Variants in NCAM2 observed in about 807,000 individuals in gnomAD.
NCAM2 encodes the protein neural cell adhesion molecule 2.
NCAM2 carries 30 observed loss-of-function variants against 98.1 expected under a neutral mutation model. The ratio of observed to expected loss-of-function variants is 0.31; its 90% CI spans 0.23 to 0.41. NCAM2 has a LOEUF of 0.41. Ranked by LOEUF, NCAM2 falls within the 10% of genes least tolerant of loss-of-function variation. The probability of loss-of-function intolerance (pLI) is 1.00; values close to 1 mark genes in which losing one functional copy is unlikely to be tolerated. For missense variants in NCAM2, 867 were observed against 1,005.8 expected, an observed-to-expected ratio of 0.86 and a Z score of 1.87; for synonymous variants, 368 against 342.4, an observed-to-expected ratio of 1.07 and a Z score of -0.83.
At chr21:21,231,670 T>C (rs1248549026) in intron 1 of NCAM2, among the ~76,000 whole-genome samples, 4 of 151,340 alleles carry the variant, frequency 2.6e-5, no homozygotes, top group Non-Finnish European at 5.9e-5. Flanking sequence ...GAGTAAATAT[T>C]ATACAGAATA....
At chr21:21,050,430 A>AG (rs1410842557) in intron 1 of NCAM2, among the ~76,000 whole-genome samples, 1 of 152,202 alleles carries the variant, frequency 6.6e-6, no homozygotes, top group Non-Finnish European at 1.5e-5. Context: ...TTTTGGTCAA[A>AG]GTAAAGAAGG....
At chr21:21,218,712 A>G (rs972745701) in intron 1 of NCAM2, among the ~76,000 whole-genome samples, 3 of 152,178 alleles carry the variant, frequency 2.0e-5, no homozygotes, top group African/African-American at 7.2e-5. Context: ...CTCTCCTAGA[A>G]CCTTCAGAAA....
At chr21:21,393,850 C>T (rs991373515) in intron 9 of NCAM2, among the ~76,000 whole-genome samples, 57 of 152,104 alleles carry the variant, frequency 3.7e-4, no homozygotes, top group Admixed American at 1.4e-3. Context: ...GGAAGTACAG[C>T]TACAATATTT....
intron 1 of NCAM2, among the ~76,000 whole-genome samples, chr21:21,093,435 C>G (rs189594858): frequency 2.6e-4 from 40 of 152,158 alleles, no homozygotes; most frequent in Non-Finnish European, 1.9e-4. Flanking sequence ...TCCATTCATC[C>G]GTTGTCCAAA....
chr21:21,412,201 C>T (rs1468047466), intron 10 of NCAM2, among the ~76,000 whole-genome samples: 4 of 152,118 alleles, frequency 2.6e-5, no homozygotes, highest in Non-Finnish European at 5.9e-5. Context: ...TGTACTTGGC[C>T]GCCTTCTTGC....
intron 9 of NCAM2, among the ~76,000 whole-genome samples, chr21:21,393,904 G>A (rs1457873181): frequency 6.6e-6 from 1 of 152,052 alleles, no homozygotes; most frequent in Non-Finnish European, 1.5e-5. Context: ...AAGATATTCT[G>A]ATTAGAAAAA....
intron 1 of NCAM2, among the ~76,000 whole-genome samples, chr21:21,265,174 T>A (rs1473438059): frequency 3.2e-5 from 4 of 125,896 alleles, no homozygotes; most frequent in Non-Finnish European, 6.5e-5. Context: ...ATATATTATA[T>A]ATGTATATAT....
intron 16 of NCAM2, among the ~76,000 whole-genome samples, chr21:21,512,502 A>T (rs1410346669): frequency 6.6e-6 from 1 of 152,000 alleles, no homozygotes; most frequent in Non-Finnish European, 1.5e-5. Flanking sequence ...TTTGTAGTAT[A>T]ATTTGAAGTT....
intron 5 of NCAM2, among the ~76,000 whole-genome samples, chr21:21,311,531 C>T (rs1297956197): frequency 6.6e-6 from 1 of 151,822 alleles, no homozygotes; most frequent in Non-Finnish European, 1.5e-5. Context: ...TTAGTGGAGA[C>T]GGGGTTTCAC....
intron 1 of NCAM2, among the ~76,000 whole-genome samples, chr21:21,216,225 C>A (rs187576011): frequency 6.6e-6 from 1 of 152,046 alleles, no homozygotes; most frequent in Non-Finnish European, 1.5e-5. Context: ...TTAGCTGGCA[C>A]GAGGAGTCTC....
At chr21:21,201,486 T>A (rs1373903732) in intron 1 of NCAM2, among the ~76,000 whole-genome samples, 1 of 152,166 alleles carries the variant, frequency 6.6e-6, no homozygotes, top group Non-Finnish European at 1.5e-5. Flanking sequence ...ACTATGAAAT[T>A]CTGACAAACT....
At chr21:21,394,547 G>A (rs2076458876) in intron 9 of NCAM2, among the ~76,000 whole-genome samples, 1 of 126,048 alleles carries the variant, frequency 7.9e-6, no homozygotes. Context: ...GGACTGCAGT[G>A]GTGCAATCTT....
intron 5 of NCAM2, among the ~76,000 whole-genome samples, chr21:21,309,861 A>T (rs2073992223): frequency 6.6e-6 from 1 of 152,166 alleles, no homozygotes; most frequent in South Asian, 2.1e-4. Flanking sequence ...TATTTTAGGA[A>T]TTTCTATTGA....
At position 21,543,184 on chromosome 21, in the gene NCAM2, G is replaced by GTA. The variant is rs766334847; in HGVS notation, c.*5235_*5236dup. The GTA allele has an allele frequency of 2.6e-5, 4 of 151,810 alleles. No homozygotes were observed. The highest frequency in any genetic ancestry group is 2.1e-4 in the South Asian group (1 of 4,818). The allele number at this position is 151,810 out of a possible 1,614,324, so 9.4% of individuals were successfully genotyped here. On this transcript the variant is annotated 3_prime_UTR_variant, in exon 18 of 18. Coordinates refer to ENST00000400546, the MANE Select transcript of NCAM2 (RefSeq NM_004540.5). ...ATATGGTATGTCCCAATGAAATGCT[G>GTA]TATATATATGTCTAAACTGTAAAAA...
intron 1 of NCAM2, among the ~76,000 whole-genome samples, chr21:21,014,115 A>G (rs2064260919): frequency 1.3e-5 from 2 of 152,206 alleles, no homozygotes; most frequent in South Asian, 2.1e-4. Context: ...GCTGAAGGCA[A>G]TGCCCATTTG....
chr21:21,377,466 G>A (rs2148070195), intron 9 of NCAM2, among the ~76,000 whole-genome samples: 1 of 151,822 alleles, frequency 6.6e-6, no homozygotes, highest in Non-Finnish European at 1.5e-5. Context: ...TCTTTGAAAT[G>A]TACTTATTTA....
intron 1 of NCAM2, among the ~76,000 whole-genome samples, chr21:21,075,151 C>T (rs1354042210): frequency 6.6e-6 from 1 of 152,032 alleles, no homozygotes; most frequent in Admixed American, 6.6e-5. Flanking sequence ...AATACATGGA[C>T]ACAGGGAGGG....
chr21:21,120,976 G>A (rs1395549916), intron 1 of NCAM2, among the ~76,000 whole-genome samples: 5 of 152,044 alleles, frequency 3.3e-5, no homozygotes, highest in Non-Finnish European at 5.9e-5. Context: ...TCAGCCTCCC[G>A]AAATGTTGGG....
intron 8 of NCAM2, among the ~76,000 whole-genome samples, chr21:21,352,885 A>T (rs1309175272): frequency 6.6e-6 from 1 of 151,010 alleles, no homozygotes; most frequent in Non-Finnish European, 1.5e-5. Context: ...ACAGGGTCTC[A>T]CTCTGTTGAC....
Sources: allele counts gnomAD v4.1 joint callset (sites outside exome capture counted in the v4.1 genomes callset), GRCh38; gene constraint gnomAD v4.1.1; transcripts MANE v1.5; gene names NCBI Gene and HGNC (gene_info 2026-07-23, HGNC 2026-07-21).